DIAPH3: variants seen among roughly 807,000 people sequenced by gnomAD.
DIAPH3 encodes the protein diaphanous related formin 3, also known as protein diaphanous homolog 3.
Under a neutral mutation model 144.3 loss-of-function variants are expected in DIAPH3, and 117 were observed. The ratio of observed to expected loss-of-function variants is 0.81; its 90% CI spans 0.70 to 0.95. DIAPH3 has a LOEUF of 0.95. Ranked by LOEUF, DIAPH3 falls within the 40% of genes least tolerant of loss-of-function variation. The pLI, the probability that DIAPH3 is intolerant of heterozygous loss-of-function variation, is 0.00. For synonymous variants in DIAPH3, 519 were observed against 488.9 expected (o/e 1.06, Z -0.81); for missense variants, 1,421 against 1,412.7 (o/e 1.01, Z -0.09).
chr13:59,930,563 G>C (rs1160582642), intron 17 of DIAPH3, among the ~76,000 whole-genome samples: 5 of 152,222 alleles, frequency 3.3e-5, no homozygotes, highest in Middle Eastern at 3.4e-3. Context: ...GGCACTGAAA[G>C]ACTTGAAGAT....
Position 59,971,059 on chromosome 13 carries a change from A to C in DIAPH3, c.1752T>G (p.Gly584=), listed in dbSNP as rs749724636. 1 of 1,613,530 alleles carries C rather than the reference A, an allele frequency of 6.2e-7. No homozygotes were observed. The highest frequency in any genetic ancestry group is 1.1e-5 in the South Asian group (1 of 91,050). ...GAGGAGGTGGAGGCGGCACCCCTCCACCAGAAGGCAGTGGAGGCGGAGGAG... is the reference window on the plus strand; with the variant it reads ...GAGGAGGTGGAGGCGGCACCCCTCCCCCAGAAGGCAGTGGAGGCGGAGGAG... ...ALPPPPPLPS[G]GGVPPPPPPP... Residue 584 remains glycine, a synonymous_variant, in exon 16 of 28, where the codon GGT becomes GGG. Transcript: ENST00000400324.
At chr13:59,902,147 A>G (rs190393471) in intron 20 of DIAPH3, among the ~76,000 whole-genome samples, 66 of 152,306 alleles carry the variant, frequency 4.3e-4, no homozygotes, top group African/African-American at 1.5e-3. Context: ...AAAACTGTGT[A>G]TGGTTGATAT....
intron 27 of DIAPH3, among the ~76,000 whole-genome samples, chr13:59,757,305 G>A (rs1466059607): frequency 7.1e-6 from 1 of 141,600 alleles, no homozygotes; most frequent in Non-Finnish European, 1.5e-5. Flanking sequence ...TTATCCTGAA[G>A]AAACAGTGCT....
intron 20 of DIAPH3, among the ~76,000 whole-genome samples, chr13:59,911,188 A>G (rs2046980206): frequency 6.6e-6 from 1 of 152,208 alleles, no homozygotes; most frequent in Non-Finnish European, 1.5e-5. Context: ...AATACATTTA[A>G]TATATGGCAT....
At chr13:59,862,436 AGT>A (rs1566430868) in intron 21 of DIAPH3, among the ~76,000 whole-genome samples, 2 of 152,192 alleles carry the variant, frequency 1.3e-5, no homozygotes, top group Admixed American at 6.5e-5. Context: ...AAGCATGAAG[AGT>A]GAGTTAAAAA....
intron 17 of DIAPH3, among the ~76,000 whole-genome samples, chr13:59,959,332 G>A (rs2049607000): frequency 2.0e-5 from 3 of 152,120 alleles, no homozygotes. Flanking sequence ...GAAATTTTAT[G>A]GCATAGAGTT....
In DIAPH3 at chr13:60,162,809, T is replaced by TCTCACACA. The variant is rs1555388530; in HGVS notation, c.180+777_180+778insTGTGTGAG. The stretch of plus-strand genomic sequence containing the variant: ...CTCTCTCTCTCTCTCTCTCTCTCTC[T>TCTCACACA]CACACACACACACACACACACACAC... On this transcript the variant is annotated intron_variant, in intron 1 of 27. Transcript: ENST00000400324. Among the ~76,000 whole-genome samples the TCTCACACA allele has an allele frequency of 2.6e-4, 32 of 122,514 alleles. No homozygotes were observed. The South Asian group carries it at 6.2e-3, about 24-fold the overall frequency. The allele number at this position is 122,514 out of a possible 152,430, so 80.4% of individuals were successfully genotyped here.
intron 24 of DIAPH3, among the ~76,000 whole-genome samples, chr13:59,814,957 C>T (rs1242424238): frequency 2.0e-5 from 3 of 152,196 alleles, no homozygotes; most frequent in African/African-American, 7.2e-5. Context: ...CAGTGAATGG[C>T]TTATTTCACT....
intron 17 of DIAPH3, among the ~76,000 whole-genome samples, chr13:59,946,327 C>T (rs1015604482): frequency 1.3e-5 from 2 of 152,042 alleles, no homozygotes; most frequent in African/African-American, 4.8e-5. Flanking sequence ...GTTTACAAAG[C>T]ACAGAATCCA....
intron 22 of DIAPH3, among the ~76,000 whole-genome samples, chr13:59,847,429 G>C (rs1432241060): frequency 6.6e-6 from 1 of 152,154 alleles, no homozygotes; most frequent in Non-Finnish European, 1.5e-5. Context: ...CTGAAAGAAA[G>C]AGCCAGCCCT....
intron 1 of DIAPH3, among the ~76,000 whole-genome samples, chr13:60,155,315 C>A (rs1351562390): frequency 6.6e-6 from 1 of 152,138 alleles, no homozygotes; most frequent in Admixed American, 6.5e-5. Context: ...CCTATCTCTA[C>A]CCCCACCCCT....
intron 25 of DIAPH3, among the ~76,000 whole-genome samples, chr13:59,778,853 T>C (rs755924165): frequency 3.3e-5 from 5 of 152,250 alleles, no homozygotes; most frequent in Non-Finnish European, 7.3e-5. Flanking sequence ...TGATCTTCAG[T>C]TCCCCCGGTC....
intron 27 of DIAPH3, among the ~76,000 whole-genome samples, chr13:59,753,625 T>C (rs2037123446): frequency 6.6e-6 from 1 of 152,192 alleles, no homozygotes; most frequent in South Asian, 2.1e-4. Context: ...TACAGTGAAA[T>C]AAACACATTG....
rs757042309 is a variant in DIAPH3, at chr13:60,156,939, ATTTTTT to A, written c.180+6642_180+6647del. The stretch of plus-strand genomic sequence containing the variant: ...CCTTCATATATATATATATATATAT[ATTTTTT>A]TTTTTTTTTTTTTTGAGACAGAGGA... On this transcript the variant is annotated intron_variant, in intron 1 of 27. Coordinates refer to ENST00000400324, the MANE Select transcript of DIAPH3 (RefSeq NM_001042517.2). 3.0e-3 allele frequency among the ~76,000 whole-genome samples: 249 copies of A among 81,966 alleles called. 12 individuals are homozygous for A. Among genetic ancestry groups the A allele is most frequent in the African/African-American group, 0.012 (217 of 18,468 alleles). The allele number at this position is 81,966 out of a possible 152,430, so 53.8% of individuals were successfully genotyped here. A position where few individuals can be genotyped will look rare whatever the true frequency, so the allele number is the denominator to read the frequency against.
intron 1 of DIAPH3, among the ~76,000 whole-genome samples, chr13:60,142,000 CAGG>C (rs2059434955): frequency 1.3e-5 from 2 of 152,256 alleles, no homozygotes; most frequent in South Asian, 4.1e-4. Context: ...ACAAGGCTGT[CAGG>C]AGGAGTATGC....
At chr13:59,904,552 CA>C (rs553188505) in intron 20 of DIAPH3, among the ~76,000 whole-genome samples, 4 of 152,218 alleles carry the variant, frequency 2.6e-5, no homozygotes, top group African/African-American at 9.6e-5. Context: ...CTCCATTTTA[CA>C]TCTTTACAAG....
At chr13:60,105,032 C>T (rs1234182453) in intron 3 of DIAPH3, among the ~76,000 whole-genome samples, 1 of 130,028 alleles carries the variant, frequency 7.7e-6, no homozygotes, top group Non-Finnish European at 1.6e-5. Context: ...GGAGGCAGAG[C>T]TTGCAGTGAG....
intron 4 of DIAPH3, among the ~76,000 whole-genome samples, chr13:60,089,895 C>G (rs2057874911): frequency 1.3e-5 from 2 of 152,108 alleles, no homozygotes; most frequent in African/African-American, 2.4e-5. Context: ...AGATCCAGCA[C>G]AGGCAAAAAT....
At position 59,989,217 on chromosome 13, in the gene DIAPH3, C is replaced by T. The variant is rs552129978; in HGVS notation, c.1361+1941G>A. Reference sequence around the variant, plus strand: ...TGAAACCAAAAAATGAAGGTAAAAACCAAAAAAACAACACTCATAGACGTG... The same window carrying T: ...TGAAACCAAAAAATGAAGGTAAAAATCAAAAAAACAACACTCATAGACGTG... On this transcript the variant is annotated intron_variant, in intron 12 of 27. Transcript: ENST00000400324. Among the ~76,000 whole-genome samples the T allele has an allele frequency of 2.6e-5, 4 of 151,136 alleles. No homozygotes were observed. The East Asian group carries it at 7.8e-4, about 30-fold the overall frequency.
Sources: gnomAD v4.1 joint callset for allele counts (sites outside exome capture counted in the v4.1 genomes callset) on GRCh38, gnomAD v4.1.1 for gene constraint, MANE v1.5 for transcripts, NCBI Gene and HGNC (gene_info 2026-07-23, HGNC 2026-07-21) for gene names.